CPQ: variants seen among roughly 807,000 people sequenced by gnomAD.
CPQ encodes the protein carboxypeptidase Q.
CPQ carries 37 observed loss-of-function variants against 45.7 expected under a neutral mutation model. The ratio of observed to expected loss-of-function variants is 0.81; its 90% CI spans 0.62 to 1.07. The LOEUF is 1.07. Among genes scored for constraint, CPQ ranks in the 50% least tolerant of loss-of-function variants. The probability of loss-of-function intolerance (pLI) is 0.00; values close to 1 mark genes in which losing one functional copy is unlikely to be tolerated. For missense variants in CPQ, 537 were observed against 572.9 expected, an observed-to-expected ratio of 0.94 and a Z score of 0.64; for synonymous variants, 186 against 205.8, an observed-to-expected ratio of 0.90 and a Z score of 0.82.
intron 1 of CPQ, among the ~76,000 whole-genome samples, chr8:96,755,516 G>T (rs1810316995): frequency 6.6e-6 from 1 of 151,736 alleles, no homozygotes; most frequent in African/African-American, 2.4e-5. Context: ...TTGCTGCATT[G>T]TGATTAAAGA....
chr8:96,928,836 A>C (rs571087908), intron 4 of CPQ, among the ~76,000 whole-genome samples: 34 of 152,298 alleles, frequency 2.2e-4, no homozygotes, highest in African/African-American at 7.5e-4. Context: ...GAGGGTGGCA[A>C]ATCAGAAGAA....
chr8:96,974,694 A>T (rs956411948), intron 5 of CPQ, among the ~76,000 whole-genome samples: 1 of 152,162 alleles, frequency 6.6e-6, no homozygotes, highest in African/African-American at 2.4e-5. Flanking sequence ...TAAAATTCGA[A>T]ATCAACTCCA....
intron 1 of CPQ, among the ~76,000 whole-genome samples, chr8:96,683,161 T>C (rs553589488): frequency 1.3e-5 from 2 of 152,322 alleles, no homozygotes; most frequent in South Asian, 4.1e-4. Flanking sequence ...ATCCATTTGC[T>C]TTCAGATGTA....
chr8:96,803,967 A>C lies in CPQ; in HGVS notation c.433+18637A>C, dbSNP rs143494207. 3.0e-3 allele frequency among the ~76,000 whole-genome samples: 451 copies of C among 152,318 alleles called. 1 individual carries two copies. The highest frequency in any genetic ancestry group is 0.01 in the African/African-American group (424 of 41,578). ...GGTGATGATGATACACAGATGAGTCAAATGAGGAGATAGCACTGGTGTAAT... is the reference window on the plus strand; with the variant it reads ...GGTGATGATGATACACAGATGAGTCCAATGAGGAGATAGCACTGGTGTAAT... On this transcript the variant is annotated intron_variant, in intron 2 of 7. Transcript: ENST00000220763.
chr8:97,121,366 C>G (rs1277707974), intron 7 of CPQ, among the ~76,000 whole-genome samples: 2 of 152,072 alleles, frequency 1.3e-5, no homozygotes, highest in Non-Finnish European at 2.9e-5. Flanking sequence ...CAACAGGAAG[C>G]CAAAGTGGAA....
intron 4 of CPQ, among the ~76,000 whole-genome samples, chr8:96,940,841 G>C (rs1261586491): frequency 6.6e-6 from 1 of 152,112 alleles, no homozygotes; most frequent in Admixed American, 6.6e-5. Flanking sequence ...TACCTCATAT[G>C]ATCTCTTTAT....
chr8:97,064,102 A>T (rs1810597949), intron 6 of CPQ, among the ~76,000 whole-genome samples: 1 of 152,150 alleles, frequency 6.6e-6, no homozygotes, highest in South Asian at 2.1e-4. Context: ...TGTAGCTCCA[A>T]TTTTAACCTA....
chr8:96,706,648 G>A (rs77222299), intron 1 of CPQ, among the ~76,000 whole-genome samples: 7,578 of 152,194 alleles, frequency 0.05, 252 homozygotes, highest in Middle Eastern at 0.12. Context: ...TTCATAAGCA[G>A]TAGTAAAATT....
At chr8:96,915,174 C>T (rs1409805149) in intron 4 of CPQ, among the ~76,000 whole-genome samples, 2 of 152,152 alleles carry the variant, frequency 1.3e-5, no homozygotes, top group African/African-American at 4.8e-5. Context: ...CTACAACTAG[C>T]CTTCCTGTCC....
At chr8:96,945,656 G>C (rs578164823) in intron 4 of CPQ, among the ~76,000 whole-genome samples, 1 of 152,140 alleles carries the variant, frequency 6.6e-6, no homozygotes, top group East Asian at 1.9e-4. Flanking sequence ...AGTTAGGTTT[G>C]AAGTTGGAAG....
At chr8:96,910,548 A>G (rs1483838995) in intron 4 of CPQ, among the ~76,000 whole-genome samples, 3 of 152,158 alleles carry the variant, frequency 2.0e-5, no homozygotes, top group Admixed American at 6.5e-5. Context: ...TCTGTCGCCC[A>G]GGCTGGAGTA....
chr8:96,761,284 T>TG (rs1168880363), intron 1 of CPQ: 1 of 152,218 alleles, frequency 6.6e-6, no homozygotes, highest in Non-Finnish European at 1.5e-5. Context: ...AACTCTGTGA[T>TG]GACCATCAGA....
Position 97,103,306 on chromosome 8 carries a change from T to C in CPQ, c.1255+37096T>C, listed in dbSNP as rs778389289. 3.5e-4 allele frequency among the ~76,000 whole-genome samples: 53 copies of C among 152,200 alleles called. 1 individual carries two copies. Among genetic ancestry groups the C allele is most frequent in the Admixed American group, 4.6e-4 (7 of 15,272 alleles). On this transcript the variant is annotated intron_variant, in intron 7 of 7. Coordinates refer to ENST00000220763, the MANE Select transcript of CPQ (RefSeq NM_016134.4). ...TGACTAATCAGATTATTCAACATCA[T>C]TGAGACAGTCTGCTTCATAGTGCTA...
chr8:97,143,295 C>G lies in CPQ; in HGVS notation c.*112C>G. The stretch of plus-strand genomic sequence containing the variant: ...CATCCAATTCATCTTCAAAGCACAA[C>G]TCTATTTCATGCTTTCTGTTATTAT... On this transcript the variant is annotated 3_prime_UTR_variant, in exon 8 of 8. Transcript: ENST00000220763. The G allele has an allele frequency of 1.0e-6, 1 of 966,718 alleles. No homozygotes were observed. The allele number at this position is 966,718 out of a possible 1,614,324, so 59.9% of individuals were successfully genotyped here.
At chr8:96,876,913 T>C (rs1812153418) in intron 3 of CPQ, among the ~76,000 whole-genome samples, 2 of 152,226 alleles carry the variant, frequency 1.3e-5, no homozygotes, top group African/African-American at 2.4e-5. Flanking sequence ...GATGCCTTTG[T>C]CTGGTTTTGA....
chr8:96,911,009 A>G (rs369489156), intron 4 of CPQ, among the ~76,000 whole-genome samples: 4 of 152,162 alleles, frequency 2.6e-5, no homozygotes, highest in Middle Eastern at 3.4e-3. Flanking sequence ...TGCAGTAAAA[A>G]GAAATCGATA....
intron 7 of CPQ, among the ~76,000 whole-genome samples, chr8:97,126,554 C>G (rs1811850608): frequency 6.6e-6 from 1 of 152,016 alleles, no homozygotes; most frequent in Non-Finnish European, 1.5e-5. Flanking sequence ...CTGCTAGAAG[C>G]AAGAAGTAAA....
In CPQ at chr8:96,767,726, C is replaced by T. The variant is rs1301678065; in HGVS notation, c.-34-17138C>T. ...TGGTGCGATATCAGCTCACTGCTGC[C>T]GATGCTTCCCAGATTCAAGCGATTC... On this transcript the variant is annotated intron_variant, in intron 1 of 7. Transcript: ENST00000220763. 4.1e-5 allele frequency among the ~76,000 whole-genome samples: 6 copies of T among 145,914 alleles called. No homozygotes were observed. The East Asian group carries it at 1.0e-3, about 24-fold the overall frequency.
rs1397982783 is a variant in CPQ, at chr8:97,096,988, T to C, written c.1255+30778T>C. On this transcript the variant is annotated intron_variant, in intron 7 of 7. Coordinates refer to ENST00000220763, the MANE Select transcript of CPQ (RefSeq NM_016134.4). ...GTGGCTTAACAGCCCAGGAGAGAAT[T>C]GAGCTATACTGAGGCTTCATATATG... 3.9e-5 allele frequency among the ~76,000 whole-genome samples: 6 copies of C among 152,198 alleles called. No individual in the cohort carries two copies. In the East Asian group the frequency reaches 7.7e-4, roughly 20 times the overall value.
Sources: allele counts gnomAD v4.1 joint callset (sites outside exome capture counted in the v4.1 genomes callset), GRCh38; gene constraint gnomAD v4.1.1; transcripts MANE v1.5; gene names NCBI Gene and HGNC (gene_info 2026-07-23, HGNC 2026-07-21).